The following THSD7B variants were observed in gnomAD, a reference collection of about 807,000 sequenced individuals.
THSD7B encodes thrombospondin type-1 domain-containing protein 7B.
A neutral mutation model predicts 213.6 loss-of-function variants in THSD7B; 138 were observed. The observed-to-expected ratio is 0.65, with a 90% CI of 0.56 to 0.74. The LOEUF (loss-of-function observed/expected upper bound fraction) is 0.74. Ranked by LOEUF, THSD7B falls within the 30% of genes least tolerant of loss-of-function variation. THSD7B has a pLI of 0.00. For synonymous variants in THSD7B, 742 were observed against 687.0 expected (o/e 1.08, Z -1.25); for missense variants, 1,931 against 1,991.5 (o/e 0.97, Z 0.58).
intron 1 of THSD7B, among the ~76,000 whole-genome samples, chr2:136,851,052 A>C (rs148437423): frequency 6.6e-6 from 1 of 152,094 alleles, no homozygotes; most frequent in African/African-American, 2.4e-5. Flanking sequence ...TATTCTGGTC[A>C]TCTCACTTTT....
Position 137,352,986 on chromosome 2 carries a change from A to G in THSD7B, c.2501-52627A>G, listed in dbSNP as rs545334182. The stretch of plus-strand genomic sequence containing the variant: ...TTTAATGGTAGAATGAGCCTTGCTT[A>G]AAATCTCCTAGAATTGGAGTTTCCT... On this transcript the variant is annotated intron_variant, in intron 12 of 27. Coordinates refer to ENST00000409968, the MANE Select transcript of THSD7B (RefSeq NM_001316349.2). 5.3e-5 allele frequency among the ~76,000 whole-genome samples: 8 copies of G among 152,172 alleles called. No homozygotes were observed. In the South Asian group the frequency reaches 1.7e-3, roughly 32 times the overall value.
rs141914162 is a variant in THSD7B, at chr2:137,278,754, C to T, written c.2500+2728C>T. Among the ~76,000 whole-genome samples, 763 of 152,144 alleles carry T rather than the reference C, an allele frequency of 5.0e-3. 6 individuals carry two copies. The highest frequency in any genetic ancestry group is 0.017 in the African/African-American group (724 of 41,508). ...CATTAACAATAGAAAGAATAGAGGACCTGTCAGGTTTGACCTGGACAACTG... is the reference window on the plus strand; with the variant it reads ...CATTAACAATAGAAAGAATAGAGGATCTGTCAGGTTTGACCTGGACAACTG... On this transcript the variant is annotated intron_variant, in intron 12 of 27. Coordinates refer to ENST00000409968, the MANE Select transcript of THSD7B (RefSeq NM_001316349.2).
chr2:137,289,149 A>G (rs1573936917), intron 12 of THSD7B, among the ~76,000 whole-genome samples: 1 of 152,032 alleles, frequency 6.6e-6, no homozygotes, highest in East Asian at 1.9e-4. Context: ...GGCAGGGAAA[A>G]TGGAAGTATT....
chr2:137,063,125 C>G (rs1434048016), intron 3 of THSD7B, among the ~76,000 whole-genome samples: 1 of 151,392 alleles, frequency 6.6e-6, no homozygotes, highest in African/African-American at 2.4e-5. Context: ...GATACCTACT[C>G]CACCTTTTTT....
chr2:136,857,489 C>A (rs1224414371), intron 1 of THSD7B, among the ~76,000 whole-genome samples: 2 of 152,220 alleles, frequency 1.3e-5, no homozygotes, highest in Non-Finnish European at 2.9e-5. Flanking sequence ...CCTAGGCATC[C>A]CGTCTTTTCT....
In THSD7B at chr2:137,420,496, G is replaced by A. The variant is rs527941553; in HGVS notation, c.2959+8624G>A. On this transcript the variant is annotated intron_variant, in intron 14 of 27. Coordinates refer to ENST00000409968, the MANE Select transcript of THSD7B (RefSeq NM_001316349.2). ...CTAGGAGAGGAGCTTGCCGCTTAAT[G>A]TTTGTTAGCAAGATATACATTCTCG... Among the ~76,000 whole-genome samples, 10 of 152,178 alleles carry A rather than the reference G, an allele frequency of 6.6e-5. No individual in the cohort carries two copies. The South Asian group carries it at 1.9e-3, about 28-fold the overall frequency.
chr2:137,309,875 A>G (rs1294479879), intron 12 of THSD7B, among the ~76,000 whole-genome samples: 1 of 152,126 alleles, frequency 6.6e-6, no homozygotes, highest in African/African-American at 2.4e-5. Flanking sequence ...CATGGTGTAT[A>G]TGTGCCGCAT....
intron 17 of THSD7B, among the ~76,000 whole-genome samples, chr2:137,581,885 G>A (rs1283608074): frequency 6.6e-6 from 1 of 151,616 alleles, no homozygotes; most frequent in Non-Finnish European, 1.5e-5. Flanking sequence ...ATCACTTGAG[G>A]TCAGGAGTTG....
chr2:137,302,674 G>T (rs998046726), intron 12 of THSD7B, among the ~76,000 whole-genome samples: 2 of 152,038 alleles, frequency 1.3e-5, no homozygotes, highest in African/African-American at 4.8e-5. Flanking sequence ...TTGCTCTTTT[G>T]TTTTGTTTCT....
At chr2:137,042,007 A>T (rs1033408020) in intron 2 of THSD7B, among the ~76,000 whole-genome samples, 3 of 152,196 alleles carry the variant, frequency 2.0e-5, no homozygotes, top group African/African-American at 7.2e-5. Flanking sequence ...TTGTGCCTTT[A>T]TAACATTAAG....
At chr2:137,410,015 T>G (rs2105010564) in intron 13 of THSD7B, among the ~76,000 whole-genome samples, 1 of 152,204 alleles carries the variant, frequency 6.6e-6, no homozygotes, top group Admixed American at 6.5e-5. Context: ...ACTGAAGAGA[T>G]GAAGACTGAG....
intron 14 of THSD7B, among the ~76,000 whole-genome samples, chr2:137,432,111 G>A (rs957900593): frequency 5.9e-4 from 89 of 152,118 alleles, no homozygotes; most frequent in African/African-American, 2.1e-3. Context: ...ACTTGTCAGC[G>A]GCCAGGCGCG....
chr2:137,401,290 A>T (rs2104997057), intron 12 of THSD7B, among the ~76,000 whole-genome samples: 1 of 152,166 alleles, frequency 6.6e-6, no homozygotes, highest in African/African-American at 2.4e-5. Flanking sequence ...ATTTATGCTT[A>T]ATTGTCTTCT....
intron 2 of THSD7B, among the ~76,000 whole-genome samples, chr2:136,979,956 T>G (rs1573746843): frequency 6.6e-6 from 1 of 152,124 alleles, no homozygotes; most frequent in East Asian, 1.9e-4. Context: ...TTTTTGTGGG[T>G]TTTTTTGTTG....
intron 1 of THSD7B, among the ~76,000 whole-genome samples, chr2:136,768,454 A>G (rs1054487437): frequency 1.3e-5 from 2 of 152,260 alleles, no homozygotes; most frequent in African/African-American, 4.8e-5. Flanking sequence ...TACAAAGATT[A>G]GGCATTAAAG....
At chr2:136,981,025 G>A (rs1437318618) in intron 2 of THSD7B, among the ~76,000 whole-genome samples, 3 of 152,100 alleles carry the variant, frequency 2.0e-5, no homozygotes, top group Non-Finnish European at 2.9e-5. Flanking sequence ...CATTGTTCTC[G>A]GTGGAGCCAC....
At chr2:137,170,667 C>G in intron 6 of THSD7B, 74 bp from the exon 7 acceptor site, 3 of 1,477,086 alleles carry the variant, frequency 2.0e-6, no homozygotes, top group Non-Finnish European at 1.8e-6. Flanking sequence ...CTTTTCATCT[C>G]TCACCCAGCT....
chr2:137,526,105 C>T (rs933903401), intron 15 of THSD7B, among the ~76,000 whole-genome samples: 5 of 152,070 alleles, frequency 3.3e-5, no homozygotes, highest in Admixed American at 6.6e-5. Flanking sequence ...GGTTTTACTA[C>T]TCTTACTGCT....
At chr2:136,845,682 G>T (rs1415178555) in intron 1 of THSD7B, among the ~76,000 whole-genome samples, 1 of 152,196 alleles carries the variant, frequency 6.6e-6, no homozygotes, top group Non-Finnish European at 1.5e-5. Flanking sequence ...AGGCTGGAAT[G>T]TTGTGCTAAC....
Sources: gnomAD v4.1 joint callset for allele counts (sites outside exome capture counted in the v4.1 genomes callset) on GRCh38, gnomAD v4.1.1 for gene constraint, MANE v1.5 for transcripts, NCBI Gene and HGNC (gene_info 2026-07-23, HGNC 2026-07-21) for gene names.